Variants in RP1L1 observed in about 807,000 individuals in gnomAD.
RP1L1 encodes the protein retinitis pigmentosa 1-like 1 protein.
A neutral mutation model predicts 15.7 loss-of-function variants in RP1L1; 27 were observed. The observed-to-expected ratio is 1.72, with a 90% CI of 1.27 to 2.38. The LOEUF (loss-of-function observed/expected upper bound fraction) is 2.38. RP1L1 is among the 30% of genes most tolerant of loss of function. The pLI is 0.00. For missense variants in RP1L1, 4,798 were observed against 3,075.9 expected, an observed-to-expected ratio of 1.56 and a Z score of -13.24; for synonymous variants, 1,813 against 1,276.7, an observed-to-expected ratio of 1.42 and a Z score of -8.96.
At chr8:10,622,570 A>T (rs1435905797) in intron 2 of RP1L1, 23 bp downstream of exon 2, 3 of 1,613,948 alleles carry the variant, frequency 1.9e-6, no homozygotes, top group East Asian at 4.5e-5. Context: ...TTTTCAAGGA[A>T]CCGTCAGACC....
chr8:10,607,927 G>T lies in RP1L1; in HGVS notation c.6171C>A (p.Ala2057=). ...DAQPESDGVE[A]PEAEEEAQEA... is the part of the protein sequence containing the mutation. The stretch of plus-strand genomic sequence containing the variant: ...CCTGTGCCTCCTCTTCTGCCTCCGG[G>T]GCCTCTACACCGTCTGACTCTGGCT... Residue 2057 remains alanine, a synonymous_variant, in exon 4 of 4, where the codon GCC becomes GCA. Coordinates refer to ENST00000382483, the MANE Select transcript of RP1L1 (RefSeq NM_178857.6). 6.2e-7 allele frequency: 1 copy of T among 1,606,844 alleles called. No homozygotes were observed. The highest frequency in any genetic ancestry group is 2.3e-5 in the East Asian group (1 of 44,362).
chr8:10,647,142 G>A (rs778953682), intron 1 of RP1L1, among the ~76,000 whole-genome samples: 27 of 152,154 alleles, frequency 1.8e-4, no homozygotes, highest in Non-Finnish European at 3.4e-4. Flanking sequence ...CCACTGAGGC[G>A]CCACGGCAGC....
rs1361876021 is a variant in RP1L1, at chr8:10,609,594, T to C, written c.4504A>G (p.Arg1502Gly). The change falls in exon 4 of 4, where the codon AGG (arginine) becomes GGG (glycine). Residue 1502 changes from arginine (R) to glycine (G), a missense_variant. Physicochemically the swap from Arg to Gly is moderately radical, Grantham distance 125 (BLOSUM62 -2). Coordinates refer to ENST00000382483, the MANE Select transcript of RP1L1 (RefSeq NM_178857.6). The part of the protein sequence containing the change: ...QAQPTQGAAE[R>G]SSSVACSAAL... ...GCGCTGCAGGCCACCGAAGAGCTCC[T>C]CTCTGCAGCCCCCTGGGTGGGTTGG... is the stretch of plus-strand genomic sequence containing the variant. The C allele has an allele frequency of 6.2e-7, 1 of 1,605,754 alleles. No individual in the cohort carries two copies. The highest frequency in any genetic ancestry group is 1.1e-5 in the South Asian group (1 of 91,004).
chr8:10,629,852 C>G (rs1386556983), intron 1 of RP1L1, among the ~76,000 whole-genome samples: 1 of 152,032 alleles, frequency 6.6e-6, no homozygotes, highest in Non-Finnish European at 1.5e-5. Flanking sequence ...TGACTGAGAT[C>G]CCATTCTGCC....
rs368792169 is a variant in RP1L1, at chr8:10,616,525, G to A, written c.672C>T (p.Ala224=). ...PSVLVCAGHE[A]FRTPAMKNAR... Reference sequence around the variant, plus strand: ...CATTTTTCATGGCTGGGGTTCTGAAGGCCTCATGCCCGGCACACACCAGCA... The same window carrying A: ...CATTTTTCATGGCTGGGGTTCTGAAAGCCTCATGCCCGGCACACACCAGCA... Residue 224 remains alanine, a synonymous_variant, in exon 3 of 4, where the codon GCC becomes GCT. Coordinates refer to ENST00000382483, the MANE Select transcript of RP1L1 (RefSeq NM_178857.6). The A allele has an allele frequency of 3.5e-4, 559 of 1,614,044 alleles. No homozygotes were observed. Among genetic ancestry groups the A allele is most frequent in the Non-Finnish European group, 4.6e-4 (544 of 1,180,044 alleles).
intron 1 of RP1L1, among the ~76,000 whole-genome samples, chr8:10,631,323 G>A (rs1440843975): frequency 4.4e-5 from 4 of 91,564 alleles, no homozygotes; most frequent in Admixed American, 1.3e-4. Context: ...ACGCACACAC[G>A]CACACACACA....
At chr8:10,622,335 C>CAAA (rs34315849) in intron 2 of RP1L1, among the ~76,000 whole-genome samples, 4 of 102,282 alleles carry the variant, frequency 3.9e-5, no homozygotes, top group East Asian at 2.5e-4. Context: ...AAAACAAAGC[C>CAAA]AAAAAAAAAA....
chr8:10,611,600 G>A lies in RP1L1; in HGVS notation c.2498C>T (p.Pro833Leu), dbSNP rs562405102. 4.5e-5 allele frequency: 72 copies of A among 1,612,050 alleles called. No homozygotes were observed. In the Middle Eastern group the frequency reaches 6.6e-4, roughly 15 times the overall value. ...SHCCSQPGTQ[P>L]AQEAQRGPSP... ...GGGTCCCCGCTGGGCCTCTTGGGCC[G>A]GCTGCGTCCCAGGCTGTGAGCAGCA... Residue 833 changes from proline (P) to leucine (L), a missense_variant, in exon 4 of 4, where the codon CCG (proline) becomes CTG (leucine). Pro to Leu is a moderately conservative substitution (Grantham distance 98). Coordinates refer to ENST00000382483, the MANE Select transcript of RP1L1 (RefSeq NM_178857.6).
chr8:10,607,185 A>T lies in RP1L1; in HGVS notation c.6913T>A (p.Ser2305Thr), dbSNP rs1219301612. ...TCTTTCTGCCAGCAGTTGCCCCAAG[A>T]GGATGCTCTGGAGGAGGAAGGGCCT... is the stretch of plus-strand genomic sequence containing the variant. The part of the protein sequence containing the change: ...QTGPSSSRAS[S>T]WGNCWQKDSE... The change falls in exon 4 of 4, where the codon TCT (serine) becomes ACT (threonine). Residue 2305 changes from serine (S) to threonine (T), a missense_variant. Physicochemically the swap from Ser to Thr is moderately conservative, Grantham distance 58. Coordinates refer to ENST00000382483, the MANE Select transcript of RP1L1 (RefSeq NM_178857.6). 2 of 1,614,216 alleles carry T rather than the reference A, an allele frequency of 1.2e-6. No individual in the cohort carries two copies. Among genetic ancestry groups the T allele is most frequent in the Admixed American group, 3.3e-5 (2 of 60,024 alleles).
At chr8:10,627,523 C>T (rs912712450) in intron 1 of RP1L1, among the ~76,000 whole-genome samples, 10 of 151,960 alleles carry the variant, frequency 6.6e-5, no homozygotes, top group Non-Finnish European at 1.3e-4. Flanking sequence ...TGCAGAGTTT[C>T]ACCCTGGGGA....
Position 10,612,973 on chromosome 8 carries a change from G to T in RP1L1, c.1125C>A (p.Gly375=). Residue 375 remains glycine, a synonymous_variant, in exon 4 of 4, where the codon GGC becomes GGA. Transcript: ENST00000382483. ...GTCCCCACACCCCAGGCTCTGAGAA[G>T]CCCCAAGGGTAGCCCTCCCACACAC... is the stretch of plus-strand genomic sequence containing the variant. ...LCCVWEGYPW[G]FSEPGVWGPR... 4 of 1,613,146 alleles carry T rather than the reference G, an allele frequency of 2.5e-6. No homozygotes were observed. The highest frequency in any genetic ancestry group is 3.4e-6 in the Non-Finnish European group (4 of 1,179,916).
chr8:10,633,409 G>A (rs539816492), intron 1 of RP1L1, among the ~76,000 whole-genome samples: 6 of 151,708 alleles, frequency 4.0e-5, no homozygotes, highest in African/African-American at 9.7e-5. Flanking sequence ...TCTGGGGACC[G>A]GGGCAGACAG....
chr8:10,647,866 A>G (rs1798502080), intron 1 of RP1L1, among the ~76,000 whole-genome samples: 1 of 152,184 alleles, frequency 6.6e-6, no homozygotes, highest in South Asian at 2.1e-4. Context: ...TAGAAGAGGA[A>G]TTGCTGGATC....
rs376017516 is a variant in RP1L1 at position 10,628,881 on chromosome 8, G to C, written c.-19-5661C>G. 9.8e-5 allele frequency among the ~76,000 whole-genome samples: 15 copies of C among 152,326 alleles called. No individual in the cohort carries two copies. The East Asian group carries it at 2.7e-3, about 27-fold the overall frequency. On this transcript the variant is annotated intron_variant, in intron 1 of 3. Coordinates refer to ENST00000382483, the MANE Select transcript of RP1L1 (RefSeq NM_178857.6). Reference sequence around the variant, plus strand: ...CCCCACAAACACACACTTGCTAATAGTCTCCAGGCCACTCATCAGTAAGGG... The same window carrying C: ...CCCCACAAACACACACTTGCTAATACTCTCCAGGCCACTCATCAGTAAGGG...
In RP1L1 at chr8:10,607,628, G is replaced by A. The variant is rs376763194; in HGVS notation, c.6470C>T (p.Ala2157Val). The stretch of plus-strand genomic sequence containing the variant: ...CTCTATACCTTCTGACTCTGGCTGG[G>A]CCTCCCCTTCTGCATCCTGGGCCTC... ...GVEAQDAEGE[A>V]QPESEGIEAQ... The change falls in exon 4 of 4, where the codon GCC (alanine) becomes GTC (valine). Residue 2157 changes from alanine to valine, a missense_variant. By Grantham distance (64) the Ala-to-Val change is moderately conservative. Transcript: ENST00000382483. 6.3e-7 allele frequency: 1 copy of A among 1,593,992 alleles called. No homozygotes were observed. Among genetic ancestry groups the A allele is most frequent in the Non-Finnish European group, 8.5e-7 (1 of 1,169,660 alleles).
chr8:10,635,041 G>C (rs1798308160), intron 1 of RP1L1, among the ~76,000 whole-genome samples: 1 of 152,226 alleles, frequency 6.6e-6, no homozygotes, highest in Non-Finnish European at 1.5e-5. Context: ...GTGTTTGTGA[G>C]CTTTGCCGCA....
At chr8:10,622,334 C>T (rs924111866) in intron 2 of RP1L1, among the ~76,000 whole-genome samples, 4 of 134,612 alleles carry the variant, frequency 3.0e-5, no homozygotes, top group Non-Finnish European at 6.4e-5. Flanking sequence ...AAAAACAAAG[C>T]CAAAAAAAAA....
intron 2 of RP1L1, among the ~76,000 whole-genome samples, chr8:10,617,318 G>A (rs900064318): frequency 1.4e-5 from 2 of 147,830 alleles, no homozygotes; most frequent in Admixed American, 6.9e-5. Context: ...CAATGCTGGG[G>A]AATGGGGAAT....
In RP1L1 at chr8:10,610,748, G is replaced by T. The variant is rs1305407920; in HGVS notation, c.3350C>A (p.Ala1117Asp). 2.5e-6 allele frequency: 4 copies of T among 1,613,302 alleles called. No homozygotes were observed. The highest frequency in any genetic ancestry group is 2.2e-5 in the East Asian group (1 of 44,892). ...CAGACTGGCCAGACAAGTAATGAGG[G>T]CCCCGGCTGAGCAGCTGAGCCTCCT... ...MARRLSCSAG[A>D]LITCLASLQL... The change falls in exon 4 of 4, where the codon GCC becomes GAC. Residue 1117 changes from alanine (A) to aspartate (D), a missense_variant. Physicochemically the swap from Ala to Asp is moderately radical, Grantham distance 126. Coordinates refer to ENST00000382483, the MANE Select transcript of RP1L1 (RefSeq NM_178857.6).
Sources: gnomAD v4.1 joint callset for allele counts (sites outside exome capture counted in the v4.1 genomes callset) on GRCh38, gnomAD v4.1.1 for gene constraint, MANE v1.5 for transcripts, NCBI Gene and HGNC (gene_info 2026-07-23, HGNC 2026-07-21) for gene names.